Variants in SLC2A13 observed in about 807,000 individuals in gnomAD.
The protein encoded by SLC2A13 is proton myo-inositol cotransporter.
SLC2A13 carries 32 observed loss-of-function variants against 64.4 expected under a neutral mutation model. The observed-to-expected ratio is 0.50, with a 90% CI of 0.37 to 0.67. The LOEUF is 0.67. SLC2A13 is among the 30% of genes least tolerant of loss of function. The pLI is 0.00. For synonymous variants in SLC2A13, 338 were observed against 327.1 expected, an observed-to-expected ratio of 1.03 and a Z score of -0.36; for missense variants, 743 against 829.2, an observed-to-expected ratio of 0.90 and a Z score of 1.28.
intron 7 of SLC2A13, among the ~76,000 whole-genome samples, chr12:39,822,345 T>TCACCTAAAATCACTGGCAATATGA (rs1942546227): frequency 6.6e-6 from 1 of 152,004 alleles, no homozygotes. Flanking sequence ...ATAAAGCCAT[T>TCACCTAAAATCACTGGCAATATGA]CACCTAAAAT....
rs1944793551 is a variant in SLC2A13, at chr12:39,895,862, ATATG to A, written c.1035-23905_1035-23902del. Among the ~76,000 whole-genome samples, 4 of 143,216 alleles carry A rather than the reference ATATG, an allele frequency of 2.8e-5. 2 individuals carry two copies. The highest frequency in any genetic ancestry group is 5.2e-5 in the African/African-American group (2 of 38,218). 94.0% of individuals were successfully genotyped at this position (143,216 alleles called of 152,430 possible). On this transcript the variant is annotated intron_variant, in intron 4 of 9. Coordinates refer to ENST00000280871, the MANE Select transcript of SLC2A13 (RefSeq NM_052885.4). ...TGCACACACATATGTATATGCGTGT[ATATG>A]CACACACATATGTATATGCGTGTAT... is the stretch of plus-strand genomic sequence containing the variant.
intron 1 of SLC2A13, among the ~76,000 whole-genome samples, chr12:40,092,673 C>A (rs968827567): frequency 6.6e-6 from 1 of 152,196 alleles, no homozygotes; most frequent in Non-Finnish European, 1.5e-5. Context: ...ATTATAGAAT[C>A]TGAAACGTGG....
intron 7 of SLC2A13, among the ~76,000 whole-genome samples, chr12:39,809,678 T>A (rs562083555): frequency 1.3e-5 from 2 of 151,886 alleles, no homozygotes; most frequent in African/African-American, 4.8e-5. Flanking sequence ...CACAACAGTC[T>A]CTGGTGTGTG....
chr12:39,998,748 G>T (rs1045231312), intron 3 of SLC2A13, among the ~76,000 whole-genome samples: 1 of 152,170 alleles, frequency 6.6e-6, no homozygotes, highest in African/African-American at 2.4e-5. Flanking sequence ...ATGCTGAGAT[G>T]AGTTAAGACT....
At chr12:39,819,908 C>CA (rs1418054036) in intron 7 of SLC2A13, 1 of 152,786 alleles carries the variant, frequency 6.5e-6, no homozygotes, top group Admixed American at 6.5e-5. Context: ...TAGCATGTAG[C>CA]ACAATGTCAA....
intron 7 of SLC2A13, chr12:39,829,767 G>T: frequency 1.1e-5 from 3 of 262,500 alleles, no homozygotes; most frequent in Non-Finnish European, 2.2e-5. Flanking sequence ...TAAAAGCTTG[G>T]GAGTTTGGAA....
chr12:39,996,866 C>T (rs571354945), intron 3 of SLC2A13, among the ~76,000 whole-genome samples: 1 of 152,200 alleles, frequency 6.6e-6, no homozygotes, highest in Non-Finnish European at 1.5e-5. Context: ...CTATAAAACA[C>T]TGCTGAAAGA....
chr12:40,092,100 T>G (rs769912635), intron 1 of SLC2A13, among the ~76,000 whole-genome samples: 1 of 152,106 alleles, frequency 6.6e-6, no homozygotes, highest in Non-Finnish European at 1.5e-5. Flanking sequence ...AGAGGTGTCA[T>G]AGAGAGAGGT....
At chr12:39,944,695 A>G (rs1182545691) in intron 4 of SLC2A13, among the ~76,000 whole-genome samples, 4 of 152,302 alleles carry the variant, frequency 2.6e-5, no homozygotes, top group East Asian at 3.9e-4. Flanking sequence ...TTTGCATGAA[A>G]TGCCATTTTC....
intron 7 of SLC2A13, among the ~76,000 whole-genome samples, chr12:39,827,049 A>G (rs750631066): frequency 1.1e-4 from 16 of 151,134 alleles, no homozygotes; most frequent in Non-Finnish European, 1.9e-4. Flanking sequence ...CACCAGCCTG[A>G]TACTCTCTGA....
intron 3 of SLC2A13, among the ~76,000 whole-genome samples, chr12:40,011,064 A>G (rs941410308): frequency 6.6e-6 from 1 of 152,180 alleles, no homozygotes; most frequent in African/African-American, 2.4e-5. Context: ...AAAAAATACA[A>G]CAACCTACGA....
chr12:40,063,838 A>T (rs900761025), intron 1 of SLC2A13, among the ~76,000 whole-genome samples: 1 of 152,162 alleles, frequency 6.6e-6, no homozygotes, highest in Non-Finnish European at 1.5e-5. Flanking sequence ...TTTACTTTTT[A>T]AAAAAACCAA....
intron 3 of SLC2A13, among the ~76,000 whole-genome samples, chr12:39,991,472 T>C (rs540058926): frequency 1.2e-4 from 19 of 152,270 alleles, no homozygotes; most frequent in African/African-American, 4.1e-4. Flanking sequence ...TAAGTGCATG[T>C]CTAGCTAGGC....
At chr12:39,956,469 G>T (rs1401944138) in intron 3 of SLC2A13, among the ~76,000 whole-genome samples, 2 of 152,086 alleles carry the variant, frequency 1.3e-5, no homozygotes, top group Admixed American at 6.6e-5. Context: ...CAATAGAGCT[G>T]CTAAAAATCA....
chr12:39,954,769 C>T (rs575188207), intron 3 of SLC2A13, among the ~76,000 whole-genome samples: 1 of 152,208 alleles, frequency 6.6e-6, no homozygotes, highest in South Asian at 2.1e-4. Flanking sequence ...CAGGAAAATA[C>T]AATTTGTAAA....
chr12:39,953,714 C>T (rs1946271694), intron 3 of SLC2A13, among the ~76,000 whole-genome samples: 2 of 152,114 alleles, frequency 1.3e-5, no homozygotes, highest in South Asian at 4.1e-4. Context: ...AAACCTTTAA[C>T]CAACTAGATT....
At chr12:39,842,841 A>G (rs938820450) in intron 6 of SLC2A13, among the ~76,000 whole-genome samples, 1 of 151,938 alleles carries the variant, frequency 6.6e-6, no homozygotes, top group Non-Finnish European at 1.5e-5. Flanking sequence ...GCTATTCTGG[A>G]CATTTTATAT....
intron 4 of SLC2A13, among the ~76,000 whole-genome samples, chr12:39,941,844 G>A (rs1441111928): frequency 6.6e-6 from 1 of 152,144 alleles, no homozygotes; most frequent in Non-Finnish European, 1.5e-5. Flanking sequence ...ATAGTTTCAG[G>A]TCTTGGGTTT....
In SLC2A13 at chr12:39,976,624, C is replaced by T. The variant is rs540704873; in HGVS notation, c.926-25259G>A. 2.0e-5 allele frequency among the ~76,000 whole-genome samples: 3 copies of T among 152,044 alleles called. No homozygotes were observed. In the South Asian group the frequency reaches 6.2e-4, roughly 32 times the overall value. On this transcript the variant is annotated intron_variant, in intron 3 of 9. Transcript: ENST00000280871. ...TGTTGCTCAGGTTGGTCTTGAACAC[C>T]TGACCTCAAGCAACCTTCCTGCTTC...
Sources: allele counts gnomAD v4.1 joint callset (sites outside exome capture counted in the v4.1 genomes callset), GRCh38; gene constraint gnomAD v4.1.1; transcripts MANE v1.5; gene names NCBI Gene and HGNC (gene_info 2026-07-23, HGNC 2026-07-21).